Variants in MAP4 observed in about 807,000 individuals in gnomAD.
MAP4 encodes microtubule associated protein 4, also known as microtubule-associated protein 4.
In MAP4, 76 loss-of-function variants were observed where a neutral mutation model predicts 170.2. That is an observed-to-expected ratio of 0.45 (90% CI 0.37 to 0.54). The LOEUF (loss-of-function observed/expected upper bound fraction) is 0.54. Ranked by LOEUF, MAP4 falls within the 20% of genes least tolerant of loss-of-function variation. The pLI is 0.00. For synonymous variants in MAP4, 909 were observed against 994.5 expected, an observed-to-expected ratio of 0.91 and a Z score of 1.62; for missense variants, 2,506 against 2,748.0, an observed-to-expected ratio of 0.91 and a Z score of 1.97.
In MAP4 at chr3:47,911,862, A is replaced by C. The variant is rs1010108824; in HGVS notation, c.2559T>G (p.Ser853Arg). Residue 853 changes from serine (S) to arginine (R), a missense_variant, in exon 9 of 21, where the codon AGT becomes AGG. Transcript: ENST00000683076. The surrounding 1 kb of genome is among the most constrained non-coding windows in gnomAD (Gnocchi z 4.0). ...RLVAENFVSE[S>R]LRIPLYPSEE... ...CAGAAGGATATAAAGGAATTCTGAGACTCTCTGAGACAAAGTTCTCAGCTA... is the reference window on the plus strand; with the variant it reads ...CAGAAGGATATAAAGGAATTCTGAGCCTCTCTGAGACAAAGTTCTCAGCTA... The C allele has an allele frequency of 4.5e-5, 69 of 1,535,886 alleles. No homozygotes were observed. Among genetic ancestry groups the C allele is most frequent in the Admixed American group, 1.6e-4 (8 of 50,970 alleles).
chr3:48,006,056 C>G (rs1216047540), intron 1 of MAP4, among the ~76,000 whole-genome samples: 2 of 152,178 alleles, frequency 1.3e-5, no homozygotes, highest in East Asian at 3.9e-4. Flanking sequence ...GTGAAACGGA[C>G]AGGAAGCCTA....
intron 1 of MAP4, among the ~76,000 whole-genome samples, chr3:48,005,999 T>C (rs775304905): frequency 1.2e-4 from 18 of 152,228 alleles, no homozygotes; most frequent in Non-Finnish European, 2.4e-4. Flanking sequence ...ATAGTCTGAC[T>C]CATGTAGAGC....
intron 3 of MAP4, among the ~76,000 whole-genome samples, chr3:47,948,353 C>T (rs970782832): frequency 6.6e-6 from 1 of 150,968 alleles, no homozygotes; most frequent in Admixed American, 6.6e-5. Flanking sequence ...CCTGCCTCAA[C>T]ATATGGAGTA....
At chr3:47,853,116 A>G in intron 20 of MAP4, 47 bp downstream of exon 20, 1 of 1,613,446 alleles carries the variant, frequency 6.2e-7, no homozygotes, top group Non-Finnish European at 8.5e-7. Flanking sequence ...ATTTGCGGCC[A>G]GTGGCAGGGC....
At chr3:47,953,224 A>C (rs963661622) in intron 3 of MAP4, among the ~76,000 whole-genome samples, 21 of 150,586 alleles carry the variant, frequency 1.4e-4, no homozygotes, top group Admixed American at 6.0e-4. Flanking sequence ...AAAAACTTAC[A>C]AAAAAAAACA....
chr3:47,919,023 C>T (rs1428241607), intron 5 of MAP4, among the ~76,000 whole-genome samples, 182 bp from the exon 6 acceptor site: 2 of 152,036 alleles, frequency 1.3e-5, no homozygotes, highest in South Asian at 2.1e-4. Flanking sequence ...GCTCCGCTTC[C>T]CGGGTTCACG....
intron 1 of MAP4, among the ~76,000 whole-genome samples, chr3:48,008,758 C>T (rs1306401956): frequency 6.6e-6 from 1 of 152,182 alleles, no homozygotes; most frequent in Non-Finnish European, 1.5e-5. Context: ...TGCCATCGCC[C>T]ATGGCCAACA....
At chr3:47,926,293 C>G (rs1379066768) in intron 4 of MAP4, among the ~76,000 whole-genome samples, 1 of 152,122 alleles carries the variant, frequency 6.6e-6, no homozygotes, top group Middle Eastern at 3.2e-3. Context: ...AAACGATCCT[C>G]CAACCTCAGC....
intron 6 of MAP4, 74 bp from the exon 7 acceptor site, chr3:47,917,248 TGA>T (rs1002267631): frequency 8.0e-7 from 1 of 1,254,420 alleles, no homozygotes; most frequent in African/African-American, 1.5e-5. Flanking sequence ...TCTTCAGGCA[TGA>T]GAGTATTTGG....
intron 1 of MAP4, among the ~76,000 whole-genome samples, chr3:48,055,055 A>T (rs1473376704): frequency 6.6e-6 from 1 of 152,190 alleles, no homozygotes; most frequent in Non-Finnish European, 1.5e-5. Context: ...GGAGACAGAA[A>T]GCCAAGTAGG....
At chr3:47,978,383 C>T (rs1448089712) in intron 2 of MAP4, among the ~76,000 whole-genome samples, 2 of 152,040 alleles carry the variant, frequency 1.3e-5, no homozygotes, top group African/African-American at 4.8e-5. Flanking sequence ...CATGGTGCAA[C>T]CTCGGCTCAC....
At chr3:48,037,076 A>C (rs11918669) in intron 1 of MAP4, among the ~76,000 whole-genome samples, 2,001 of 152,330 alleles carry the variant, frequency 0.013, 37 homozygotes, top group Admixed American at 0.041. Flanking sequence ...GAATACATTC[A>C]GTAAGAATAC....
intron 12 of MAP4, among the ~76,000 whole-genome samples, chr3:47,872,326 G>A (rs1393824365): frequency 6.6e-6 from 1 of 152,188 alleles, no homozygotes; most frequent in Admixed American, 6.5e-5. Context: ...TGGGACTACA[G>A]GCACGTGCCA....
At chr3:47,915,072 T>C (rs1329250309) in intron 7 of MAP4, 133 bp from the exon 8 acceptor site, 4 of 1,053,274 alleles carry the variant, frequency 3.8e-6, no homozygotes, top group African/African-American at 1.6e-5. Context: ...AGTGAAGTGG[T>C]AGTTGGAAGC....
At chr3:48,042,449 G>A (rs2100122123) in intron 1 of MAP4, among the ~76,000 whole-genome samples, 1 of 152,080 alleles carries the variant, frequency 6.6e-6, no homozygotes, top group African/African-American at 2.4e-5. Flanking sequence ...TAATAAAAAG[G>A]CAAATTAATT....
At chr3:47,945,855 G>A (rs1487137584) in intron 3 of MAP4, among the ~76,000 whole-genome samples, 1 of 151,726 alleles carries the variant, frequency 6.6e-6, no homozygotes, top group Non-Finnish European at 1.5e-5. Context: ...GGGACTACAG[G>A]CACACATCAC....
chr3:48,000,336 A>G (rs1346389549), intron 1 of MAP4, among the ~76,000 whole-genome samples: 1 of 152,150 alleles, frequency 6.6e-6, no homozygotes, highest in Non-Finnish European at 1.5e-5. Flanking sequence ...CTGCTTTCAA[A>G]AAGTCTAACA....
chr3:47,874,195 C>T lies in MAP4; in HGVS notation c.5757+1490G>A, dbSNP rs999035924. 1.2e-4 allele frequency among the ~76,000 whole-genome samples: 18 copies of T among 152,280 alleles called. 1 individual carries two copies. The South Asian group carries it at 3.1e-3, about 26-fold the overall frequency. ...AAAAGAGATTAGAACAGGACTGGCG[C>T]GGTGGCTCATGCCTGTAATCCCAGC... On this transcript the variant is annotated intron_variant, in intron 12 of 20. Coordinates refer to ENST00000683076, the MANE Select transcript of MAP4 (RefSeq NM_001385682.1).
intron 1 of MAP4, among the ~76,000 whole-genome samples, chr3:48,052,287 T>C (rs2100128345): frequency 6.6e-6 from 1 of 152,180 alleles, no homozygotes; most frequent in Non-Finnish European, 1.5e-5. Context: ...GGTGGCGCGA[T>C]CTTGGCTCAC....
Sources: allele counts gnomAD v4.1 joint callset (sites outside exome capture counted in the v4.1 genomes callset), GRCh38; gene constraint gnomAD v4.1.1; non-coding constraint Gnocchi (gnomAD v3.1); transcripts MANE v1.5; gene names NCBI Gene and HGNC (gene_info 2026-07-23, HGNC 2026-07-21).